SAV1: variants seen among roughly 807,000 people sequenced by gnomAD.
The protein encoded by SAV1 is salvador family WW domain containing protein 1, also known as protein salvador homolog 1.
SAV1 carries 23 observed loss-of-function variants against 47.3 expected under a neutral mutation model. That is an observed-to-expected ratio of 0.49 (90% CI 0.35 to 0.69). The LOEUF (loss-of-function observed/expected upper bound fraction) is 0.69. Among genes scored for constraint, SAV1 ranks in the 30% least tolerant of loss-of-function variants. The pLI, the probability that SAV1 is intolerant of heterozygous loss-of-function variation, is 0.01. For synonymous variants in SAV1, 155 were observed against 159.2 expected, an observed-to-expected ratio of 0.97 and a Z score of 0.20; for missense variants, 448 against 457.4, an observed-to-expected ratio of 0.98 and a Z score of 0.19.
At chr14:50,661,117 C>T (rs2039856433) in intron 2 of SAV1, among the ~76,000 whole-genome samples, 1 of 152,160 alleles carries the variant, frequency 6.6e-6, no homozygotes, top group South Asian at 2.1e-4. Context: ...ACACTCTCAC[C>T]AGTAGTATAT....
At chr14:50,657,626 G>A (rs964699990) in intron 2 of SAV1, among the ~76,000 whole-genome samples, 1 of 152,060 alleles carries the variant, frequency 6.6e-6, no homozygotes, top group Admixed American at 6.5e-5. Flanking sequence ...AAATCAGTGG[G>A]AAAAAATGGT....
Position 50,634,104 on chromosome 14 carries a change from G to A in SAV1, c.*1079C>T, listed in dbSNP as rs1317859629. The A allele has an allele frequency of 2.3e-6, 1 of 438,820 alleles. No homozygotes were observed. The highest frequency in any genetic ancestry group is 4.6e-6 in the Non-Finnish European group (1 of 217,196). The allele number at this position is 438,820 out of a possible 1,614,324, so 27.2% of individuals were successfully genotyped here. A position where few individuals can be genotyped will look rare whatever the true frequency, so the allele number is the denominator to read the frequency against. ...GTAGCTTAACCCAGTCTGTCAGAAG[G>A]CAGTATGCTATGCTGTCAGGAACTC... On this transcript the variant is annotated 3_prime_UTR_variant, in exon 5 of 5. Coordinates refer to ENST00000324679, the MANE Select transcript of SAV1 (RefSeq NM_021818.4).
In SAV1 at chr14:50,660,593, G is replaced by A. The variant is rs181450474; in HGVS notation, c.535+4586C>T. 4.6e-5 allele frequency among the ~76,000 whole-genome samples: 7 copies of A among 151,878 alleles called. No homozygotes were observed. In the East Asian group the frequency reaches 9.7e-4, roughly 21 times the overall value. On this transcript the variant is annotated intron_variant, in intron 2 of 4. Transcript: ENST00000324679. ...CAGGGTATTTAGGGTATCCATCACC[G>A]TGAGTATTTATCATTTCTATGTGTT...
intron 2 of SAV1, among the ~76,000 whole-genome samples, chr14:50,647,023 G>A (rs2140253068): frequency 6.6e-6 from 1 of 152,188 alleles, no homozygotes. Context: ...AACAAATGAT[G>A]TTGCAACAAC....
intron 2 of SAV1, among the ~76,000 whole-genome samples, chr14:50,649,274 TTTAAC>T (rs1356441614): frequency 1.3e-5 from 2 of 152,222 alleles, no homozygotes. Flanking sequence ...ACTTTAACCT[TTTAAC>T]TTATGTAATT....
chr14:50,635,609 T>C (rs1327782422), intron 4 of SAV1, among the ~76,000 whole-genome samples: 1 of 152,106 alleles, frequency 6.6e-6, no homozygotes, highest in African/African-American at 2.4e-5. Flanking sequence ...TGCCCAAGAG[T>C]TTGAGGCCAG....
At chr14:50,642,580 C>T (rs189021105) in intron 3 of SAV1, among the ~76,000 whole-genome samples, 2 of 151,594 alleles carry the variant, frequency 1.3e-5, no homozygotes, top group Admixed American at 1.3e-4. Flanking sequence ...CCAAGCCATG[C>T]AATTTACCCA....
intron 2 of SAV1, among the ~76,000 whole-genome samples, chr14:50,661,336 T>A (rs960908944): frequency 6.6e-6 from 1 of 152,240 alleles, no homozygotes; most frequent in Non-Finnish European, 1.5e-5. Flanking sequence ...TCCTTGCATA[T>A]TCTGGATATT....
intron 2 of SAV1, among the ~76,000 whole-genome samples, chr14:50,655,545 C>A (rs910692825): frequency 6.6e-6 from 1 of 151,840 alleles, no homozygotes; most frequent in Admixed American, 6.6e-5. Flanking sequence ...CCTGCCTCAG[C>A]CTCCCGAGTA....
intron 2 of SAV1, among the ~76,000 whole-genome samples, chr14:50,648,578 G>T (rs1194327845): frequency 6.6e-6 from 1 of 152,108 alleles, no homozygotes; most frequent in Non-Finnish European, 1.5e-5. Context: ...AGGAGATCGA[G>T]ACCATCCTGG....
intron 2 of SAV1, among the ~76,000 whole-genome samples, chr14:50,659,894 C>A (rs1423315815): frequency 6.6e-6 from 1 of 152,178 alleles, no homozygotes; most frequent in Admixed American, 6.5e-5. Flanking sequence ...CTAGATCACA[C>A]AGACCCCCTT....
chr14:50,659,597 C>T (rs1438450735), intron 2 of SAV1, among the ~76,000 whole-genome samples: 1 of 152,152 alleles, frequency 6.6e-6, no homozygotes, highest in African/African-American at 2.4e-5. Context: ...GCCTGTAATC[C>T]CAGCACTTTG....
At chr14:50,665,676 G>A (rs1168674080) in intron 1 of SAV1, 57 bp from the exon 2 acceptor site, 2 of 1,437,946 alleles carry the variant, frequency 1.4e-6, no homozygotes, top group Non-Finnish European at 1.9e-6. Context: ...AAAAGTTTTC[G>A]AAATTTGTTC....
At chr14:50,661,851 C>T (rs2039862864) in intron 2 of SAV1, among the ~76,000 whole-genome samples, 3 of 152,136 alleles carry the variant, frequency 2.0e-5, no homozygotes, top group Non-Finnish European at 4.4e-5. Flanking sequence ...TTTGTGGTTA[C>T]TATAACCTTG....
rs568173597 is a variant in SAV1, at chr14:50,649,991, G to C, written c.536-4977C>G. Among the ~76,000 whole-genome samples, 4 of 152,146 alleles carry C rather than the reference G, an allele frequency of 2.6e-5. No homozygotes were observed. In the South Asian group the frequency reaches 8.3e-4, roughly 32 times the overall value. On this transcript the variant is annotated intron_variant, in intron 2 of 4. Coordinates refer to ENST00000324679, the MANE Select transcript of SAV1 (RefSeq NM_021818.4). ...AAAATTACAGTTGGCTGGAAACTAA[G>C]GCAAAATGAAAACATCAAGTTTACC...
At position 50,647,804 on chromosome 14, in the gene SAV1, T is replaced by C. The variant is rs8022790; in HGVS notation, c.536-2790A>G. ...AAACCTGACAATGCAAGTGCTTACA[T>C]GGATACAGAACAATTGGAATGCCCA... On this transcript the variant is annotated intron_variant, in intron 2 of 4. Coordinates refer to ENST00000324679, the MANE Select transcript of SAV1 (RefSeq NM_021818.4). Among the ~76,000 whole-genome samples the C allele has an allele frequency of 5.5e-3, 839 of 152,330 alleles. 5 individuals are homozygous for C. Among genetic ancestry groups the C allele is most frequent in the African/African-American group, 0.019 (809 of 41,564 alleles).
intron 1 of SAV1, chr14:50,667,328 T>G: frequency 4.5e-6 from 2 of 441,294 alleles, no homozygotes; most frequent in Non-Finnish European, 4.6e-6. Context: ...CTCTGCTGTG[T>G]AAGAGTGATG....
At chr14:50,652,721 ACAT>A (rs1414937456) in intron 2 of SAV1, among the ~76,000 whole-genome samples, 1 of 152,188 alleles carries the variant, frequency 6.6e-6, no homozygotes, top group Non-Finnish European at 1.5e-5. Flanking sequence ...CATGAGAAAA[ACAT>A]CAGACTTTTG....
At chr14:50,658,051 A>G (rs1343941658) in intron 2 of SAV1, among the ~76,000 whole-genome samples, 1 of 152,226 alleles carries the variant, frequency 6.6e-6, no homozygotes, top group Non-Finnish European at 1.5e-5. Context: ...ATGTGTTATA[A>G]TCAAGATGTT....
Sources: allele counts gnomAD v4.1 joint callset (sites outside exome capture counted in the v4.1 genomes callset), GRCh38; gene constraint gnomAD v4.1.1; transcripts MANE v1.5; gene names NCBI Gene and HGNC (gene_info 2026-07-23, HGNC 2026-07-21).